The following ANXA8 variants were observed in gnomAD, a reference collection of about 807,000 sequenced individuals.
The protein encoded by ANXA8 is annexin A8.
A neutral mutation model predicts 26.8 loss-of-function variants in ANXA8; 9 were observed. The observed-to-expected ratio is 0.34, with a 90% CI of 0.20 to 0.59. The LOEUF is 0.59. Among genes scored for constraint, ANXA8 ranks in the 20% least tolerant of loss-of-function variants. The pLI is 0.84. For missense variants in ANXA8, 83 were observed against 238.5 expected, an observed-to-expected ratio of 0.35 and a Z score of 4.29; for synonymous variants, 39 against 94.8, an observed-to-expected ratio of 0.41 and a Z score of 3.42.
At chr10:47,594,835 C>T in the ANXA8 span, among the ~76,000 whole-genome samples, 1 of 148,342 alleles carries the variant, frequency 6.7e-6, no homozygotes, top group South Asian at 2.1e-4. Flanking sequence ...ACTTGGAAAA[C>T]ATATCTGAGG....
chr10:47,724,984 C>G, the ANXA8 span, among the ~76,000 whole-genome samples: 3 of 127,878 alleles, frequency 2.3e-5, no homozygotes, highest in African/African-American at 8.5e-5. Context: ...CAAGGTCCAT[C>G]CATGTTGTAG....
At chr10:47,938,443 T>C in the ANXA8 span, among the ~76,000 whole-genome samples, 1 of 73,596 alleles carries the variant, frequency 1.4e-5, no homozygotes, top group Non-Finnish European at 2.5e-5. Context: ...GTATTAGCCA[T>C]GTCCACATCT....
At chr10:47,495,153 AGAGG>A in the ANXA8 span, among the ~76,000 whole-genome samples, 74 of 151,260 alleles carry the variant, frequency 4.9e-4, no homozygotes, top group African/African-American at 1.8e-3. Flanking sequence ...ATGCAGTCCA[AGAGG>A]GAGTGGGCAG....
the ANXA8 span, among the ~76,000 whole-genome samples, chr10:47,553,977 A>G: frequency 5.4e-5 from 8 of 149,058 alleles, 2 homozygotes; most frequent in African/African-American, 2.0e-4. Flanking sequence ...GGGGTGCCCT[A>G]TAGCCCTCTT....
At chr10:47,498,041 A>G in the ANXA8 span, among the ~76,000 whole-genome samples, 1 of 151,262 alleles carries the variant, frequency 6.6e-6, no homozygotes, top group Non-Finnish European at 1.5e-5. Context: ...ACAGGGGTCA[A>G]GGAGAGCCCT....
At chr10:47,667,757 A>G in the ANXA8 span, among the ~76,000 whole-genome samples, 1 of 146,972 alleles carries the variant, frequency 6.8e-6, no homozygotes, top group Admixed American at 6.7e-5. Context: ...TGTTTTTTTG[A>G]GATAGAGTAT....
At chr10:47,742,990 T>TAAA in the ANXA8 span, among the ~76,000 whole-genome samples, 21 of 91,512 alleles carry the variant, frequency 2.3e-4, no homozygotes, top group African/African-American at 7.3e-4. Flanking sequence ...CCGTCTCTAC[T>TAAA]AAAAAAAAAA....
At chr10:47,527,632 T>A in the ANXA8 span, among the ~76,000 whole-genome samples, 4 of 142,852 alleles carry the variant, frequency 2.8e-5, no homozygotes, top group African/African-American at 1.0e-4. Context: ...AAATTAGCTA[T>A]GGCAACTTAG....
At chr10:47,667,433 A>G in the ANXA8 span, among the ~76,000 whole-genome samples, 4 of 151,974 alleles carry the variant, frequency 2.6e-5, no homozygotes, top group African/African-American at 9.7e-5. Context: ...AAACTTGTAA[A>G]TGATACGCTT....
the ANXA8 span, among the ~76,000 whole-genome samples, chr10:47,948,700 G>A: frequency 6.6e-6 from 1 of 150,498 alleles, no homozygotes; most frequent in Non-Finnish European, 1.5e-5. Flanking sequence ...AATATTTGAA[G>A]AAATAATGGT....
At chr10:47,564,784 C>T in the ANXA8 span, 30 of 808,868 alleles carry the variant, frequency 3.7e-5, no homozygotes, top group East Asian at 5.2e-5. Context: ...CGCAGGAAGA[C>T]GTCCTGAACA....
chr10:47,557,471 G>A, the ANXA8 span, among the ~76,000 whole-genome samples: 1 of 149,940 alleles, frequency 6.7e-6, no homozygotes, highest in African/African-American at 2.5e-5. Flanking sequence ...TTTAAATTAA[G>A]TTACGCTACA....
At chr10:47,577,024 AG>A in the ANXA8 span, among the ~76,000 whole-genome samples, 24 of 146,018 alleles carry the variant, frequency 1.6e-4, no homozygotes. Flanking sequence ...AGGGATCTTC[AG>A]TAAGACTAAC....
At chr10:47,778,468 G>A in the ANXA8 span, among the ~76,000 whole-genome samples, 1 of 151,038 alleles carries the variant, frequency 6.6e-6, no homozygotes, top group Non-Finnish European at 1.5e-5. Context: ...GTGGCCGAGC[G>A]GCTGTCATTG....
the ANXA8 span, among the ~76,000 whole-genome samples, chr10:47,696,042 C>A: frequency 1.3e-5 from 2 of 151,598 alleles, no homozygotes; most frequent in Admixed American, 1.3e-4. Context: ...CTAGGCACTA[C>A]GGCTTTGGAA....
the ANXA8 span, among the ~76,000 whole-genome samples, chr10:47,748,493 G>T: frequency 6.6e-6 from 1 of 152,078 alleles, no homozygotes; most frequent in African/African-American, 2.4e-5. Context: ...GATTATAGGC[G>T]TGAGCCACCG....
At chr10:47,982,056 A>C in the ANXA8 span, among the ~76,000 whole-genome samples, 1 of 150,814 alleles carries the variant, frequency 6.6e-6, no homozygotes, top group African/African-American at 2.4e-5. Context: ...TGGGAGGCTA[A>C]GTTGGGAGGA....
At position 47,484,089 on chromosome 10, in the gene ANXA8, C is replaced by A; in HGVS notation, c.-156G>T. ...CCCGCCCAGGGCAGCGCCACACCTG[C>A]CTGCCGTCCCCTCGCCCCCGGGCTC... On this transcript the variant is annotated 5_prime_UTR_variant, in exon 1 of 12. Transcript: ENST00000585281. 1 of 1,586,684 alleles carries A rather than the reference C, an allele frequency of 6.3e-7. No individual in the cohort carries two copies. Among genetic ancestry groups the A allele is most frequent in the Non-Finnish European group, 8.6e-7 (1 of 1,159,184 alleles).
At chr10:47,503,474 G>A in the ANXA8 span, 3 of 1,608,668 alleles carry the variant, frequency 1.9e-6, no homozygotes, top group Admixed American at 1.7e-5. Context: ...GGAGTCGGTG[G>A]AATGGAGGAG....
Sources: gnomAD v4.1 joint callset for allele counts (sites outside exome capture counted in the v4.1 genomes callset) on GRCh38, gnomAD v4.1.1 for gene constraint, MANE v1.5 for transcripts, NCBI Gene and HGNC (gene_info 2026-07-23, HGNC 2026-07-21) for gene names.